STAB2: variants seen among roughly 807,000 people sequenced by gnomAD.
STAB2 encodes the protein stabilin-2.
In STAB2, 288 loss-of-function variants were observed where a neutral mutation model predicts 338.1. That is an observed-to-expected ratio of 0.85 (90% CI 0.77 to 0.94). The LOEUF (loss-of-function observed/expected upper bound fraction) is 0.94. STAB2 is among the 40% of genes least tolerant of loss of function. STAB2 has a pLI of 0.00. For synonymous variants in STAB2, 1,202 were observed against 1,193.3 expected (o/e 1.01, Z -0.15); for missense variants, 3,141 against 3,210.1 (o/e 0.98, Z 0.52).
chr12:103,621,905 A>G (rs1225557745), intron 4 of STAB2, 137 bp from the exon 5 acceptor site: 4 of 735,298 alleles, frequency 5.4e-6, no homozygotes, highest in Non-Finnish European at 9.1e-6. Flanking sequence ...ACACAAATAA[A>G]CAGAAAGAAG....
At chr12:103,659,942 T>C (rs1208441758) in intron 15 of STAB2, among the ~76,000 whole-genome samples, 1 of 152,184 alleles carries the variant, frequency 6.6e-6, no homozygotes, top group African/African-American at 2.4e-5. Flanking sequence ...GAATATAGCC[T>C]TAGACATTCT....
intron 25 of STAB2, 91 bp from the exon 26 acceptor site, chr12:103,683,114 T>C: frequency 1.8e-6 from 2 of 1,125,894 alleles, no homozygotes; most frequent in Non-Finnish European, 2.6e-6. Flanking sequence ...AGCTTCAGTT[T>C]CCATAGTACG....
chr12:103,674,488 A>G lies in STAB2; in HGVS notation c.2552+401A>G, dbSNP rs140473435. Among the ~76,000 whole-genome samples the G allele has an allele frequency of 3.9e-4, 59 of 152,360 alleles. 1 individual carries two copies. The highest frequency in any genetic ancestry group is 3.6e-3 in the Admixed American group (55 of 15,310). Reference sequence around the variant, plus strand: ...TATGGAAAAGATAATTATTATCACCACATATGAAAGAAATGAAGATTTGTC... The same window carrying G: ...TATGGAAAAGATAATTATTATCACCGCATATGAAAGAAATGAAGATTTGTC... On this transcript the variant is annotated intron_variant, in intron 23 of 68. Transcript: ENST00000388887.
intron 50 of STAB2, 40 bp downstream of exon 50, chr12:103,731,675 C>CT: frequency 6.3e-7 from 1 of 1,581,442 alleles, no homozygotes; most frequent in Non-Finnish European, 8.6e-7. Context: ...GATAACCTGC[C>CT]TAAAGAAGTT....
intron 55 of STAB2, among the ~76,000 whole-genome samples, chr12:103,741,401 C>T (rs994866856): frequency 3.3e-5 from 5 of 152,208 alleles, no homozygotes; most frequent in Non-Finnish European, 7.3e-5. Flanking sequence ...CATATCAAAA[C>T]ATTTAATCTG....
chr12:103,705,525 A>T (rs972732987), intron 36 of STAB2, 107 bp from the exon 37 acceptor site: 10 of 858,340 alleles, frequency 1.2e-5, no homozygotes, highest in Non-Finnish European at 1.5e-5. Context: ...CTCTTCCCAC[A>T]ACACTTTAGT....
Position 103,750,740 on chromosome 12 carries a change from A to G in STAB2, c.6580+20A>G, listed in dbSNP as rs1167408799. On this transcript the variant is annotated intron_variant, in intron 60 of 68. Transcript: ENST00000388887. ...TCCAGGGTTAGTGTGACCAGGGCCT[A>G]TGGCCCAAAGCACCCTCCTCTTCAG... is the stretch of plus-strand genomic sequence containing the variant. 1 of 1,603,558 alleles carries G rather than the reference A, an allele frequency of 6.2e-7. No individual in the cohort carries two copies. The highest frequency in any genetic ancestry group is 8.5e-7 in the Non-Finnish European group (1 of 1,172,188).
chr12:103,611,573 T>C (rs1024949850), intron 3 of STAB2, among the ~76,000 whole-genome samples: 36 of 152,214 alleles, frequency 2.4e-4, no homozygotes, highest in African/African-American at 8.7e-4. Flanking sequence ...ATTTTGAGGC[T>C]TTGTGTGTCT....
chr12:103,659,421 A>G (rs532515084), intron 15 of STAB2, among the ~76,000 whole-genome samples: 1 of 152,368 alleles, frequency 6.6e-6, no homozygotes, highest in South Asian at 2.1e-4. Context: ...ACCTGTTCTT[A>G]GAACATTCAA....
At chr12:103,719,316 A>T (rs1164767828) in intron 44 of STAB2, among the ~76,000 whole-genome samples, 1 of 152,220 alleles carries the variant, frequency 6.6e-6, no homozygotes, top group Non-Finnish European at 1.5e-5. Flanking sequence ...TCTAACAGCC[A>T]TATGAGGTAA....
intron 21 of STAB2, among the ~76,000 whole-genome samples, chr12:103,670,342 C>A (rs1033907359): frequency 6.6e-6 from 1 of 152,170 alleles, no homozygotes; most frequent in African/African-American, 2.4e-5. Context: ...GAAAACACTG[C>A]AGTTTGGAGT....
At position 103,735,527 on chromosome 12, in the gene STAB2, A is replaced by G; in HGVS notation, c.5497A>G (p.Lys1833Glu). The G allele has an allele frequency of 1.9e-6, 3 of 1,612,290 alleles. No individual in the cohort carries two copies. Among genetic ancestry groups the G allele is most frequent in the Non-Finnish European group, 2.5e-6 (3 of 1,179,458 alleles). ...AVDLPTSTAW[K>E]TLQGSELSVK... ...GGATCTTCCCACATCCACTGCCTGG[A>G]AGACCCTGCAAGGTTCAGAGCTGAG... Residue 1833 changes from lysine to glutamate, a missense_variant, in exon 52 of 69, where the codon AAG (lysine) becomes GAG (glutamate). Lys to Glu is a moderately conservative substitution (Grantham distance 56). Coordinates refer to ENST00000388887, the MANE Select transcript of STAB2 (RefSeq NM_017564.10).
intron 34 of STAB2, among the ~76,000 whole-genome samples, chr12:103,699,848 G>A (rs1878709154): frequency 6.6e-6 from 1 of 152,148 alleles, no homozygotes; most frequent in Admixed American, 6.5e-5. Flanking sequence ...TTGAATCTCT[G>A]CAGTCATAGG....
intron 18 of STAB2, among the ~76,000 whole-genome samples, chr12:103,663,343 C>T (rs977035602): frequency 2.0e-5 from 3 of 152,262 alleles, no homozygotes; most frequent in Admixed American, 2.0e-4. Context: ...GATAGCAGAG[C>T]CATGCTCCCT....
chr12:103,681,684 C>T (rs768655334), intron 25 of STAB2, among the ~76,000 whole-genome samples: 12 of 132,356 alleles, frequency 9.1e-5, no homozygotes, highest in South Asian at 7.5e-4. Context: ...TGCAATGGTG[C>T]GATCTCGGCT....
At chr12:103,612,535 G>A (rs997904169) in intron 3 of STAB2, among the ~76,000 whole-genome samples, 13 of 152,222 alleles carry the variant, frequency 8.5e-5, no homozygotes, top group African/African-American at 1.9e-4. Flanking sequence ...TTTCAGCTCC[G>A]TCAGGTCCTT....
At chr12:103,674,119 G>A (rs703644) in intron 23 of STAB2, 32 bp downstream of exon 23, 231,612 of 1,589,460 alleles carry the variant, frequency 0.15, 17,467 homozygotes, top group East Asian at 0.22. Flanking sequence ...CCTTAATGAC[G>A]CTGAGTCATT....
chr12:103,668,667 T>A lies in STAB2; in HGVS notation c.2110T>A (p.Tyr704Asn), dbSNP rs750981427. 2 of 1,552,094 alleles carry A rather than the reference T, an allele frequency of 1.3e-6. No individual in the cohort carries two copies. The highest frequency in any genetic ancestry group is 2.4e-5 in the South Asian group (2 of 84,100). The stretch of plus-strand genomic sequence containing the variant: ...GGCACTCTTCACACACAGATGTGTC[T>A]ACAGTGGCAGGTTTGGGAGCCTGAA... ...PTALFTHRCV[Y>N]SGRFGSLKSG... Residue 704 changes from tyrosine (Y) to asparagine (N), a missense_variant, in exon 20 of 69, where the codon TAC becomes AAC. Tyr to Asn is a moderately radical substitution (Grantham distance 143). Transcript: ENST00000388887.
chr12:103,749,099 T>C lies in STAB2; in HGVS notation c.6381T>C (p.Cys2127=). The C allele has an allele frequency of 6.2e-7, 1 of 1,613,882 alleles. No individual in the cohort carries two copies. Among genetic ancestry groups the C allele is most frequent in the Non-Finnish European group, 8.5e-7 (1 of 1,179,886 alleles). ...ACAGCTGCACAGAGATAGACCCCTG[T>C]GCAGACGGCCTTAACGGAGGGTGTC... The part of the protein sequence containing the change: ...DGHSCTEIDP[C]ADGLNGGCHE... Residue 2127 remains cysteine (C), a synonymous_variant, in exon 59 of 69, where the codon TGT becomes TGC. Coordinates refer to ENST00000388887, the MANE Select transcript of STAB2 (RefSeq NM_017564.10).
Sources: gnomAD v4.1 joint callset for allele counts (sites outside exome capture counted in the v4.1 genomes callset) on GRCh38, gnomAD v4.1.1 for gene constraint, MANE v1.5 for transcripts, NCBI Gene and HGNC (gene_info 2026-07-23, HGNC 2026-07-21) for gene names.